The following C1QTNF3 variants were observed in gnomAD, a reference collection of about 807,000 sequenced individuals.
The protein encoded by C1QTNF3 is C1q and TNF related 3.
Under a neutral mutation model 32.6 loss-of-function variants are expected in C1QTNF3, and 26 were observed. The ratio of observed to expected loss-of-function variants is 0.80; its 90% CI spans 0.58 to 1.11. The LOEUF (loss-of-function observed/expected upper bound fraction) is 1.11, where lower values mean the gene tolerates loss of function less well. Ranked by LOEUF, C1QTNF3 falls within the 50% of genes least tolerant of loss-of-function variation. C1QTNF3 has a pLI of 0.00. For synonymous variants in C1QTNF3, 155 were observed against 146.0 expected, an observed-to-expected ratio of 1.06 and a Z score of -0.44; for missense variants, 362 against 398.2, an observed-to-expected ratio of 0.91 and a Z score of 0.77.
At chr5:34,219,341 T>C in the C1QTNF3 span, among the ~76,000 whole-genome samples, 2 of 151,828 alleles carry the variant, frequency 1.3e-5, no homozygotes, top group African/African-American at 4.8e-5. Context: ...CTTTGTACAA[T>C]ATTAAAATTT....
At chr5:34,179,964 T>C in the C1QTNF3 span, among the ~76,000 whole-genome samples, 1 of 152,410 alleles carries the variant, frequency 6.6e-6, no homozygotes, top group South Asian at 2.1e-4. Flanking sequence ...GGCTCACGCC[T>C]AGAACCCCAG....
chr5:34,024,278 G>T, intron 4 of C1QTNF3: 1 of 362,124 alleles, frequency 2.8e-6, no homozygotes, highest in East Asian at 5.3e-5. Flanking sequence ...TCACTGCCTT[G>T]TACCCTGACA....
chr5:34,147,558 G>A, the C1QTNF3 span, among the ~76,000 whole-genome samples: 2 of 152,018 alleles, frequency 1.3e-5, no homozygotes, highest in African/African-American at 4.8e-5. Flanking sequence ...GCAAATTAGT[G>A]CAGGAACACA....
intron 1 of C1QTNF3, among the ~76,000 whole-genome samples, chr5:34,040,876 C>T (rs1754855261): frequency 6.6e-6 from 1 of 151,860 alleles, no homozygotes; most frequent in Admixed American, 6.6e-5. Flanking sequence ...TAAGATCCAG[C>T]TCAAAAACTA....
the C1QTNF3 span, among the ~76,000 whole-genome samples, chr5:34,145,493 C>CA: frequency 7.3e-5 from 11 of 151,428 alleles, no homozygotes; most frequent in Non-Finnish European, 1.5e-4. Context: ...GTATCAGTAA[C>CA]AAAAAACCTA....
At chr5:34,177,153 C>T in the C1QTNF3 span, among the ~76,000 whole-genome samples, 1 of 152,068 alleles carries the variant, frequency 6.6e-6, no homozygotes, top group Non-Finnish European at 1.5e-5. Context: ...TACGCCACTG[C>T]ACTCCAGCCT....
the C1QTNF3 span, among the ~76,000 whole-genome samples, chr5:34,231,778 C>G: frequency 6.6e-6 from 1 of 150,380 alleles, no homozygotes; most frequent in East Asian, 2.0e-4. Context: ...GAAGTGGAGC[C>G]CTTATGGAGA....
chr5:34,147,138 T>TA, the C1QTNF3 span, among the ~76,000 whole-genome samples: 79,761 of 151,376 alleles, frequency 0.53, 22,240 homozygotes, highest in Non-Finnish European at 0.62. Flanking sequence ...TACTAAAAAG[T>TA]AAAAAAAATA....
chr5:34,176,213 T>C, the C1QTNF3 span, among the ~76,000 whole-genome samples: 2 of 124,970 alleles, frequency 1.6e-5, no homozygotes, highest in African/African-American at 6.2e-5. Flanking sequence ...TGAGATCACA[T>C]GGACACAGGA....
the C1QTNF3 span, among the ~76,000 whole-genome samples, chr5:34,113,615 AT>A: frequency 6.6e-6 from 1 of 152,154 alleles, no homozygotes; most frequent in African/African-American, 2.4e-5. Context: ...AAACTAAAAA[AT>A]ATATTTAATT....
chr5:34,167,417 A>C, the C1QTNF3 span: 1 of 152,182 alleles, frequency 6.6e-6, no homozygotes, highest in Admixed American at 6.5e-5. Context: ...AGAATGTTTT[A>C]TTTCAACAAA....
the C1QTNF3 span, among the ~76,000 whole-genome samples, chr5:34,139,005 A>T: frequency 6.6e-6 from 1 of 152,118 alleles, no homozygotes; most frequent in South Asian, 2.1e-4. Context: ...TCTAAGTGTC[A>T]CACAATATTT....
the C1QTNF3 span, among the ~76,000 whole-genome samples, chr5:34,172,660 C>T: frequency 6.6e-6 from 1 of 152,074 alleles, no homozygotes; most frequent in African/African-American, 2.4e-5. Context: ...TAACTTGGTC[C>T]CACACAGAAA....
chr5:34,018,844 C>T lies in C1QTNF3; in HGVS notation c.*1739G>A, dbSNP rs930698111. 2.0e-5 allele frequency among the ~76,000 whole-genome samples: 3 copies of T among 152,156 alleles called. No homozygotes were observed. The highest frequency in any genetic ancestry group is 1.5e-5 in the Non-Finnish European group (1 of 68,022). On this transcript the variant is annotated 3_prime_UTR_variant, in exon 6 of 6. Transcript: ENST00000382065. ...GAGTTGTTTTAAGATTTAGAATTTG[C>T]GGCTGGGTGCGGGGGCTCACGCCTG...
chr5:34,147,845 C>T, the C1QTNF3 span, among the ~76,000 whole-genome samples: 4 of 152,122 alleles, frequency 2.6e-5, no homozygotes, highest in Non-Finnish European at 4.4e-5. Context: ...AAAACAAGGG[C>T]GGGAGGAGCC....
chr5:34,224,495 C>A, the C1QTNF3 span, among the ~76,000 whole-genome samples: 1 of 152,210 alleles, frequency 6.6e-6, no homozygotes, highest in African/African-American at 2.4e-5. Context: ...AGAAATAATG[C>A]CACATATCTA....
At chr5:34,213,029 G>A in the C1QTNF3 span, among the ~76,000 whole-genome samples, 47 of 152,214 alleles carry the variant, frequency 3.1e-4, no homozygotes, top group African/African-American at 8.9e-4. Flanking sequence ...TCTTCCCCAC[G>A]AAAAAGAGAA....
the C1QTNF3 span, among the ~76,000 whole-genome samples, chr5:34,210,993 T>C: frequency 1.3e-5 from 2 of 151,864 alleles, no homozygotes; most frequent in Non-Finnish European, 2.9e-5. Flanking sequence ...AACAGACAAA[T>C]CCAAAAACAC....
At chr5:34,103,762 T>C in the C1QTNF3 span, among the ~76,000 whole-genome samples, 1 of 145,970 alleles carries the variant, frequency 6.9e-6, no homozygotes, top group African/African-American at 2.6e-5. Context: ...GCGGAGGTTG[T>C]AGTGAGCTGA....
Sources: gnomAD v4.1 joint callset for allele counts (sites outside exome capture counted in the v4.1 genomes callset) on GRCh38, gnomAD v4.1.1 for gene constraint, MANE v1.5 for transcripts, NCBI Gene and HGNC (gene_info 2026-07-23, HGNC 2026-07-21) for gene names.